Variants in CXCL13 observed in about 807,000 individuals in gnomAD.
CXCL13 encodes the protein C-X-C motif chemokine 13.
CXCL13 carries 7 observed loss-of-function variants against 12.2 expected under a neutral mutation model. That is an observed-to-expected ratio of 0.57 (90% CI 0.33 to 1.07). The LOEUF is 1.07. Among genes scored for constraint, CXCL13 ranks in the 50% least tolerant of loss-of-function variants. CXCL13 has a pLI of 0.04. For synonymous variants in CXCL13, 47 were observed against 42.4 expected (o/e 1.11, Z -0.42); for missense variants, 113 against 127.4 (o/e 0.89, Z 0.55).
upstream of CXCL13, among the ~76,000 whole-genome samples, chr4:77,603,836 A>G (rs920871265): frequency 6.6e-6 from 1 of 152,218 alleles, no homozygotes; most frequent in Non-Finnish European, 1.5e-5. Flanking sequence ...TACATTCTAC[A>G]TGCCAGTATT....
At chr4:77,593,841 A>C (rs535064721) in intron 1 of CXCL13, among the ~76,000 whole-genome samples, 1 of 152,218 alleles carries the variant, frequency 6.6e-6, no homozygotes, top group South Asian at 2.1e-4. Context: ...AGTCGAGGAG[A>C]GGTGAGGACG....
chr4:77,547,418 A>G (rs1023325729), intron 1 of CXCL13, among the ~76,000 whole-genome samples: 1 of 152,134 alleles, frequency 6.6e-6, no homozygotes, highest in African/African-American at 2.4e-5. Context: ...ATGCTCCTGT[A>G]TTGGGTGCAT....
At chr4:77,563,767 TC>T (rs1389689826) in intron 1 of CXCL13, among the ~76,000 whole-genome samples, 1 of 152,216 alleles carries the variant, frequency 6.6e-6, no homozygotes, top group African/African-American at 2.4e-5. Context: ...ATAGGAATTC[TC>T]CTCCTCATTG....
intron 1 of CXCL13, among the ~76,000 whole-genome samples, chr4:77,540,441 C>G (rs1395432657): frequency 2.6e-5 from 4 of 152,064 alleles, no homozygotes; most frequent in Non-Finnish European, 5.9e-5. Context: ...CTAGTACTCC[C>G]CAATGTCTGT....
intron 1 of CXCL13, among the ~76,000 whole-genome samples, chr4:77,546,113 G>T (rs1474653503): frequency 6.6e-6 from 1 of 152,140 alleles, no homozygotes; most frequent in Non-Finnish European, 1.5e-5. Context: ...TGATCGTGTT[G>T]GATAGGCTTT....
intron 1 of CXCL13, among the ~76,000 whole-genome samples, chr4:77,516,698 T>C (rs1287767755): frequency 2.0e-5 from 3 of 152,250 alleles, no homozygotes; most frequent in African/African-American, 4.8e-5. Flanking sequence ...TCTTCTCTCT[T>C]TTTTTTCTTT....
chr4:77,580,349 A>C (rs1261151646), intron 1 of CXCL13, among the ~76,000 whole-genome samples: 2 of 7,890 alleles, frequency 2.5e-4, no homozygotes, highest in Admixed American at 2.0e-3. Flanking sequence ...TTTTTTTGAG[A>C]TGGAGTCTCT....
chr4:77,522,179 G>A (rs1724618111), intron 1 of CXCL13, among the ~76,000 whole-genome samples: 1 of 152,102 alleles, frequency 6.6e-6, no homozygotes, highest in African/African-American at 2.4e-5. Flanking sequence ...AGAAGAAAGT[G>A]TTTTCTGTTG....
intron 1 of CXCL13, among the ~76,000 whole-genome samples, chr4:77,560,757 A>G (rs944040074): frequency 1.3e-5 from 2 of 152,214 alleles, no homozygotes; most frequent in African/African-American, 4.8e-5. Context: ...CCACTACCCT[A>G]TATAATGTAT....
chr4:77,541,232 T>C (rs1339806910), intron 1 of CXCL13, among the ~76,000 whole-genome samples: 2 of 152,208 alleles, frequency 1.3e-5, no homozygotes, highest in Admixed American at 6.5e-5. Flanking sequence ...TAGTTTCTTT[T>C]GCTGTGCAGA....
chr4:77,529,340 A>T (rs180858372), intron 1 of CXCL13, among the ~76,000 whole-genome samples: 3 of 152,274 alleles, frequency 2.0e-5, no homozygotes, highest in Admixed American at 1.3e-4. Flanking sequence ...CTTGATGGGG[A>T]TGGCATTGAA....
chr4:77,580,308 CTTTTTTTTTTTTTTTTTTT>C (rs1015001550), intron 1 of CXCL13, among the ~76,000 whole-genome samples: 49 of 17,630 alleles, frequency 2.8e-3, no homozygotes, highest in South Asian at 0.016. Flanking sequence ...AGTTTTCTTT[CTTTTTTTTTTTTTTTTTTT>C]TTTTTTTTTT....
rs140592852 is a variant in CXCL13 at position 77,544,196 on chromosome 4, G to A, written c.-43+32408G>A. On this transcript the variant is annotated intron_variant, in intron 1 of 4. Coordinates refer to the CXCL13 transcript ENST00000286758. ...AGTCTTTGCTATTGGGAATAGTGCC[G>A]CAATAAACGTATGTGTGCATGTGTC... Among the ~76,000 whole-genome samples the A allele has an allele frequency of 4.6e-3, 696 of 152,170 alleles. 17 individuals are homozygous for A. The highest frequency in any genetic ancestry group is 0.027 in the East Asian group (138 of 5,184).
chr4:77,546,766 C>A (rs1345047507), intron 1 of CXCL13, among the ~76,000 whole-genome samples: 2 of 151,918 alleles, frequency 1.3e-5, no homozygotes, highest in African/African-American at 2.4e-5. Flanking sequence ...CTTTGTTATT[C>A]CTTGCCTTCT....
intron 1 of CXCL13, among the ~76,000 whole-genome samples, chr4:77,561,427 T>A (rs1725809338): frequency 6.6e-6 from 1 of 152,224 alleles, no homozygotes; most frequent in Admixed American, 6.5e-5. Flanking sequence ...CAGCCACATG[T>A]TTGATGCTTC....
intron 1 of CXCL13, among the ~76,000 whole-genome samples, chr4:77,591,499 C>T (rs892792483): frequency 7.7e-6 from 1 of 129,376 alleles, no homozygotes; most frequent in Admixed American, 9.5e-5. Flanking sequence ...TGCAGTGAGC[C>T]AAGATCACGC....
chr4:77,516,874 T>G (rs1724434630), intron 1 of CXCL13, among the ~76,000 whole-genome samples: 2 of 152,202 alleles, frequency 1.3e-5, no homozygotes, highest in South Asian at 4.1e-4. Context: ...TGCACTTGCT[T>G]TTCTACTTCT....
chr4:77,552,253 T>G (rs1166481998), intron 1 of CXCL13, among the ~76,000 whole-genome samples: 2 of 152,166 alleles, frequency 1.3e-5, no homozygotes, highest in Non-Finnish European at 2.9e-5. Context: ...GGATTTTTTG[T>G]TTTTCTTTCT....
intron 1 of CXCL13, among the ~76,000 whole-genome samples, chr4:77,517,972 T>A (rs1724472649): frequency 6.6e-6 from 1 of 152,210 alleles, no homozygotes. Flanking sequence ...CGTTTAGTGC[T>A]TCCTTCAGGA....
Sources: gnomAD v4.1 joint callset for allele counts (sites outside exome capture counted in the v4.1 genomes callset) on GRCh38, gnomAD v4.1.1 for gene constraint, MANE v1.5 for transcripts, NCBI Gene and HGNC (gene_info 2026-07-23, HGNC 2026-07-21) for gene names.